Variants in TRPM3 observed in about 807,000 individuals in gnomAD.
TRPM3 encodes transient receptor potential cation channel subfamily M member 3, also known as long transient receptor potential channel 3.
A neutral mutation model predicts 181.2 loss-of-function variants in TRPM3; 77 were observed. That is an observed-to-expected ratio of 0.42 (90% CI 0.35 to 0.51). The LOEUF is 0.51. TRPM3 is among the 20% of genes least tolerant of loss of function. The pLI is 0.01. For synonymous variants in TRPM3, 745 were observed against 796.4 expected, an observed-to-expected ratio of 0.94 and a Z score of 1.09; for missense variants, 1,759 against 2,196.7, an observed-to-expected ratio of 0.80 and a Z score of 3.98.
At chr9:71,362,782 C>T (rs1253269147) in intron 1 of TRPM3, among the ~76,000 whole-genome samples, 3 of 152,024 alleles carry the variant, frequency 2.0e-5, no homozygotes, top group African/African-American at 7.3e-5. Context: ...GCTACTAAAG[C>T]TGAGAGATTT....
In TRPM3 at chr9:71,032,116, T is replaced by A. The variant is rs188509712; in HGVS notation, c.177+89062A>T. Among the ~76,000 whole-genome samples, 473 of 106,174 alleles carry A rather than the reference T, an allele frequency of 4.5e-3. 15 individuals are homozygous for A. The East Asian group carries it at 0.064, about 14-fold the overall frequency. 69.7% of individuals were successfully genotyped at this position (106,174 alleles called of 152,430 possible). A position where few individuals can be genotyped will look rare whatever the true frequency, so the allele number is the denominator to read the frequency against. ...TTATATAATATTATATATATTATATTATATATATTAACCTTAATGGTGGAT... is the reference window on the plus strand; with the variant it reads ...TTATATAATATTATATATATTATATAATATATATTAACCTTAATGGTGGAT... On this transcript the variant is annotated intron_variant, in intron 1 of 25. Coordinates refer to ENST00000677713, the MANE Select transcript of TRPM3 (RefSeq NM_001366145.2).
chr9:70,541,655 G>A (rs1288312537), intron 25 of TRPM3, among the ~76,000 whole-genome samples: 1 of 152,040 alleles, frequency 6.6e-6, no homozygotes, highest in African/African-American at 2.4e-5. Context: ...GGGATTAAAG[G>A]CATGCATCAC....
intron 19 of TRPM3, among the ~76,000 whole-genome samples, chr9:70,607,953 C>T (rs2061446668): frequency 6.6e-6 from 1 of 152,226 alleles, no homozygotes; most frequent in African/African-American, 2.4e-5. Flanking sequence ...TAGCCTAAAG[C>T]TGCCTCCTTA....
intron 8 of TRPM3, among the ~76,000 whole-genome samples, chr9:70,738,427 A>C (rs1446115775): frequency 6.6e-6 from 1 of 152,174 alleles, no homozygotes; most frequent in African/African-American, 2.4e-5. Flanking sequence ...TGGAAATGTA[A>C]AAATTCTTTA....
intron 7 of TRPM3, among the ~76,000 whole-genome samples, chr9:70,765,132 G>T (rs938345058): frequency 7.9e-5 from 12 of 152,158 alleles, no homozygotes; most frequent in Non-Finnish European, 1.8e-4. Context: ...CATACTGCTT[G>T]ATTACCTCAC....
At chr9:70,570,772 T>C (rs2052098830) in intron 22 of TRPM3, among the ~76,000 whole-genome samples, 1 of 152,318 alleles carries the variant, frequency 6.6e-6, no homozygotes, top group Middle Eastern at 3.4e-3. Context: ...CAAGTGTCCA[T>C]TGAATGGCCA....
intron 1 of TRPM3, among the ~76,000 whole-genome samples, chr9:71,363,333 AG>A (rs2092225465): frequency 6.6e-6 from 1 of 152,208 alleles, no homozygotes; most frequent in Non-Finnish European, 1.5e-5. Context: ...ACCTGCCAAC[AG>A]GCCTGGAGTT....
chr9:71,064,960 A>T (rs1427112141), intron 1 of TRPM3, among the ~76,000 whole-genome samples: 1 of 152,180 alleles, frequency 6.6e-6, no homozygotes, highest in Admixed American at 6.6e-5. Context: ...ATTAATATAT[A>T]GGCACATTAG....
chr9:71,207,488 T>C (rs968674290), intron 1 of TRPM3, among the ~76,000 whole-genome samples: 4 of 152,136 alleles, frequency 2.6e-5, no homozygotes, highest in Non-Finnish European at 4.4e-5. Context: ...AGATCTTTGA[T>C]AGTGTGTCCC....
At chr9:70,614,944 A>G (rs145605097) in intron 18 of TRPM3, among the ~76,000 whole-genome samples, 2 of 152,364 alleles carry the variant, frequency 1.3e-5, no homozygotes, top group African/African-American at 4.8e-5. Flanking sequence ...AGATTTTTAT[A>G]CAAATCCTCA....
chr9:70,675,059 TC>T (rs1379600367), intron 9 of TRPM3, among the ~76,000 whole-genome samples: 1 of 152,078 alleles, frequency 6.6e-6, no homozygotes, highest in East Asian at 1.9e-4. Flanking sequence ...TACTGGCTAT[TC>T]TTTTTGCATT....
chr9:70,692,379 T>C (rs545859932), intron 8 of TRPM3, among the ~76,000 whole-genome samples: 1 of 152,342 alleles, frequency 6.6e-6, no homozygotes, highest in South Asian at 2.1e-4. Context: ...GTTTTAAAAA[T>C]AACCCCTAGA....
chr9:71,271,074 G>A (rs761365512), intron 1 of TRPM3, among the ~76,000 whole-genome samples: 18 of 152,104 alleles, frequency 1.2e-4, no homozygotes, highest in Admixed American at 3.3e-4. Context: ...CAAAAACCAC[G>A]AGATAGAATA....
At chr9:71,429,041 T>C (rs1275633597) in intron 1 of TRPM3, among the ~76,000 whole-genome samples, 4 of 151,956 alleles carry the variant, frequency 2.6e-5, no homozygotes, top group Admixed American at 2.0e-4. Context: ...CTGTATCTCA[T>C]TGGTTAATCT....
intron 8 of TRPM3, chr9:70,760,587 C>T (rs2077945276): frequency 6.6e-6 from 1 of 151,842 alleles, no homozygotes; most frequent in Non-Finnish European, 1.5e-5. Flanking sequence ...CATCCCAAAC[C>T]TGGAAGCTGC....
At chr9:71,129,699 G>C (rs1184430593) in intron 1 of TRPM3, among the ~76,000 whole-genome samples, 1 of 152,014 alleles carries the variant, frequency 6.6e-6, no homozygotes, top group South Asian at 2.1e-4. Context: ...ATTTATATAG[G>C]GTTCCTGCGG....
intron 22 of TRPM3, among the ~76,000 whole-genome samples, chr9:70,587,827 C>T (rs994299726): frequency 6.6e-6 from 1 of 152,160 alleles, no homozygotes; most frequent in Non-Finnish European, 1.5e-5. Flanking sequence ...CAATTTTGGG[C>T]TATTTGAAAG....
intron 1 of TRPM3, among the ~76,000 whole-genome samples, chr9:70,953,889 T>C (rs2097033289): frequency 6.6e-6 from 1 of 152,138 alleles, no homozygotes; most frequent in South Asian, 2.1e-4. Context: ...TGTCATCCAG[T>C]GCCAGCCTCA....
At chr9:70,740,858 G>A (rs2073917648) in intron 8 of TRPM3, among the ~76,000 whole-genome samples, 1 of 152,146 alleles carries the variant, frequency 6.6e-6, no homozygotes, top group African/African-American at 2.4e-5. Flanking sequence ...AACCACAACA[G>A]TTCTAGGAGA....
Sources: allele counts gnomAD v4.1 joint callset (sites outside exome capture counted in the v4.1 genomes callset), GRCh38; gene constraint gnomAD v4.1.1; transcripts MANE v1.5; gene names NCBI Gene and HGNC (gene_info 2026-07-23, HGNC 2026-07-21).